Variants in PPP3CA observed in about 807,000 individuals in gnomAD.
The protein encoded by PPP3CA is protein phosphatase 3 catalytic subunit alpha.
In PPP3CA, 14 loss-of-function variants were observed where a neutral mutation model predicts 66.5. The observed-to-expected ratio is 0.21, with a 90% CI of 0.14 to 0.33. The LOEUF is 0.33. Ranked by LOEUF, PPP3CA falls within the 10% of genes least tolerant of loss-of-function variation. PPP3CA has a pLI of 1.00. For missense variants in PPP3CA, 317 were observed against 639.5 expected, an observed-to-expected ratio of 0.50 and a Z score of 5.44; for synonymous variants, 232 against 226.2, an observed-to-expected ratio of 1.03 and a Z score of -0.23.
intron 1 of PPP3CA, among the ~76,000 whole-genome samples, chr4:101,288,793 T>C (rs1347652069): frequency 1.3e-5 from 2 of 152,154 alleles, no homozygotes; most frequent in Non-Finnish European, 2.9e-5. Context: ...AATGTTTATA[T>C]GCTGTTCTGA....
chr4:101,132,009 T>TA (rs1722458665), intron 2 of PPP3CA, among the ~76,000 whole-genome samples: 2 of 152,190 alleles, frequency 1.3e-5, no homozygotes, highest in Non-Finnish European at 2.9e-5. Context: ...GACCACTGGG[T>TA]AAATAACCAA....
intron 1 of PPP3CA, among the ~76,000 whole-genome samples, chr4:101,209,046 T>G (rs868720900): frequency 6.6e-6 from 1 of 152,180 alleles, no homozygotes; most frequent in Non-Finnish European, 1.5e-5. Context: ...ACTTCTACAA[T>G]TGCTTTTCTG....
Position 101,340,753 on chromosome 4 carries a change from C to A in PPP3CA, c.58+5986G>T, listed in dbSNP as rs150194875. Reference sequence around the variant, plus strand: ...AATGACTGCTTTAAAAATAGGAATGCAACACCTCAGAATCACTGGCTGATA... The same window carrying A: ...AATGACTGCTTTAAAAATAGGAATGAAACACCTCAGAATCACTGGCTGATA... On this transcript the variant is annotated intron_variant, in intron 1 of 13. Coordinates refer to ENST00000394854, the MANE Select transcript of PPP3CA (RefSeq NM_000944.5). Among the ~76,000 whole-genome samples the A allele has an allele frequency of 3.0e-3, 461 of 152,244 alleles. 2 individuals carry two copies. The highest frequency in any genetic ancestry group is 0.011 in the African/African-American group (444 of 41,546).
chr4:101,249,160 CTG>C (rs1310581066), intron 1 of PPP3CA, among the ~76,000 whole-genome samples: 15 of 81,848 alleles, frequency 1.8e-4, no homozygotes, highest in African/African-American at 8.8e-4. Context: ...GAGCGAGACT[CTG>C]TCTCAAAAAA....
chr4:101,125,968 T>G (rs1399196026), intron 2 of PPP3CA, among the ~76,000 whole-genome samples: 1 of 152,198 alleles, frequency 6.6e-6, no homozygotes, highest in Non-Finnish European at 1.5e-5. Flanking sequence ...ATATCTTTTT[T>G]CATAGGAAAT....
intron 1 of PPP3CA, among the ~76,000 whole-genome samples, chr4:101,229,114 T>C (rs1347541658): frequency 6.6e-6 from 1 of 151,660 alleles, no homozygotes; most frequent in Admixed American, 6.6e-5. Flanking sequence ...ATCTCTTCAA[T>C]AGGTGCTGCA....
chr4:101,042,732 C>T (rs1384378463), intron 10 of PPP3CA, among the ~76,000 whole-genome samples: 1 of 151,422 alleles, frequency 6.6e-6, no homozygotes, highest in Non-Finnish European at 1.5e-5. Flanking sequence ...CTCTGGAGAC[C>T]ATCTAAAATT....
rs189851940 is a variant in PPP3CA at position 101,326,713 on chromosome 4, G to T, written c.58+20026C>A. ...GCATGACAACACAAATCAACTAAGG[G>T]TAGCCTACAGACAAACACCACTTCT... On this transcript the variant is annotated intron_variant, in intron 1 of 13. Transcript: ENST00000394854. Among the ~76,000 whole-genome samples the T allele has an allele frequency of 7.2e-4, 110 of 152,274 alleles. 1 individual carries two copies. Among genetic ancestry groups the T allele is most frequent in the Non-Finnish European group, 1.2e-3 (84 of 68,022 alleles).
chr4:101,200,652 G>A (rs1023997559), intron 1 of PPP3CA, among the ~76,000 whole-genome samples: 3 of 151,902 alleles, frequency 2.0e-5, no homozygotes, highest in East Asian at 1.9e-4. Flanking sequence ...AAGTATATCC[G>A]AAGGAGAAAG....
At chr4:101,210,216 G>T (rs1725258757) in intron 1 of PPP3CA, among the ~76,000 whole-genome samples, 1 of 152,040 alleles carries the variant, frequency 6.6e-6, no homozygotes, top group Admixed American at 6.5e-5. Flanking sequence ...ATTTCTCCAA[G>T]TTCCCAGGAT....
intron 1 of PPP3CA, among the ~76,000 whole-genome samples, chr4:101,256,837 A>T (rs2583408): frequency 0.35 from 52,658 of 151,664 alleles, 10,193 homozygotes; most frequent in East Asian, 0.67. Flanking sequence ...TAAGCATTTA[A>T]CGTTTCCCAT....
intron 1 of PPP3CA, among the ~76,000 whole-genome samples, chr4:101,267,604 G>A (rs1357653609): frequency 1.3e-5 from 2 of 152,146 alleles, no homozygotes; most frequent in African/African-American, 4.8e-5. Context: ...GCGGATCTGA[G>A]GAATGGCCTC....
intron 9 of PPP3CA, 44 bp downstream of exon 9, chr4:101,063,188 C>T (rs1338665580): frequency 6.3e-7 from 1 of 1,594,292 alleles, no homozygotes; most frequent in African/African-American, 1.4e-5. Flanking sequence ...TTCCTTCCTT[C>T]CTAAACTATT....
At chr4:101,265,769 A>G (rs907711547) in intron 1 of PPP3CA, among the ~76,000 whole-genome samples, 1 of 152,182 alleles carries the variant, frequency 6.6e-6, no homozygotes, top group Non-Finnish European at 1.5e-5. Context: ...TAACTCATTT[A>G]CCCTGATCCC....
At chr4:101,038,143 C>G (rs889003918) in intron 11 of PPP3CA, among the ~76,000 whole-genome samples, 9 of 152,238 alleles carry the variant, frequency 5.9e-5, no homozygotes, top group Middle Eastern at 3.4e-3. Flanking sequence ...TAAAAGGATG[C>G]CATTGATAGT....
chr4:101,223,118 A>G (rs1442153343), intron 1 of PPP3CA, among the ~76,000 whole-genome samples: 1 of 151,732 alleles, frequency 6.6e-6, no homozygotes, highest in Non-Finnish European at 1.5e-5. Context: ...TTCCCCCATG[A>G]AGAAATGAAC....
intron 1 of PPP3CA, among the ~76,000 whole-genome samples, chr4:101,214,516 A>G (rs1470559861): frequency 1.3e-5 from 2 of 152,132 alleles, no homozygotes; most frequent in Non-Finnish European, 2.9e-5. Flanking sequence ...ATGATAGGCC[A>G]CCATTCAACA....
intron 5 of PPP3CA, among the ~76,000 whole-genome samples, chr4:101,095,994 G>C (rs1730180595): frequency 6.6e-6 from 1 of 152,064 alleles, no homozygotes; most frequent in African/African-American, 2.4e-5. Flanking sequence ...CATCTCTACT[G>C]TACTTTAAAT....
rs1235421616 is a variant in PPP3CA, at chr4:101,103,261, A to C, written c.385-3539T>G. Among the ~76,000 whole-genome samples, 3 of 152,232 alleles carry C rather than the reference A, an allele frequency of 2.0e-5. No homozygotes were observed. The East Asian group carries it at 5.8e-4, about 29-fold the overall frequency. On this transcript the variant is annotated intron_variant, in intron 3 of 13. Transcript: ENST00000394854. ...AAATGGACAGCTTTAGGTACATATTAATCAGCTCTTTAAAGTAACTACTCG... is the reference window on the plus strand; with the variant it reads ...AAATGGACAGCTTTAGGTACATATTCATCAGCTCTTTAAAGTAACTACTCG...
Sources: gnomAD v4.1 joint callset for allele counts (sites outside exome capture counted in the v4.1 genomes callset) on GRCh38, gnomAD v4.1.1 for gene constraint, MANE v1.5 for transcripts, NCBI Gene and HGNC (gene_info 2026-07-23, HGNC 2026-07-21) for gene names.